Variants in ABLIM2 observed in about 807,000 individuals in gnomAD.
ABLIM2 encodes actin binding LIM protein family member 2, also known as actin-binding LIM protein 2.
Under a neutral mutation model 97.7 loss-of-function variants are expected in ABLIM2, and 53 were observed. The observed-to-expected ratio is 0.54, with a 90% confidence interval of 0.44 to 0.68. ABLIM2 has a LOEUF of 0.68. Among genes scored for constraint, ABLIM2 ranks in the 30% least tolerant of loss-of-function variants. ABLIM2 has a pLI of 0.00. For missense variants in ABLIM2, 835 were observed against 867.2 expected (o/e 0.96, Z 0.47); for synonymous variants, 361 against 345.8 (o/e 1.04, Z -0.49).
intron 8 of ABLIM2, among the ~76,000 whole-genome samples, chr4:8,051,320 G>A (rs1252688827): frequency 1.3e-5 from 2 of 152,118 alleles, no homozygotes; most frequent in African/African-American, 4.8e-5. Context: ...AGGCCGAGGC[G>A]GGCGGATCCC....
intron 8 of ABLIM2, 67 bp from the exon 9 acceptor site, chr4:8,045,308 C>T: frequency 7.1e-7 from 1 of 1,404,242 alleles, no homozygotes; most frequent in South Asian, 1.2e-5. Context: ...AGGCGACTGT[C>T]AGGAGTTCCA....
intron 4 of ABLIM2, among the ~76,000 whole-genome samples, chr4:8,081,561 G>C (rs967540905): frequency 1.3e-5 from 2 of 152,242 alleles, no homozygotes; most frequent in Admixed American, 6.5e-5. Flanking sequence ...GAGCTGGGGA[G>C]AGCCTGGTGC....
At chr4:8,156,150 C>T (rs1040581377) in intron 1 of ABLIM2, among the ~76,000 whole-genome samples, 4 of 152,144 alleles carry the variant, frequency 2.6e-5, no homozygotes, top group African/African-American at 7.2e-5. Context: ...GCTCAAGGAT[C>T]TGGTGCCCAC....
In ABLIM2 at chr4:8,150,097, T is replaced by C. The variant is rs1349755520; in HGVS notation, c.10+8583A>G. Among the ~76,000 whole-genome samples the C allele has an allele frequency of 6.6e-6, 1 of 152,108 alleles. No individual in the cohort carries two copies. The highest frequency in any genetic ancestry group is 1.5e-5 in the Non-Finnish European group (1 of 68,004). On this transcript the variant is annotated intron_variant, in intron 1 of 20. Coordinates refer to ENST00000447017, the MANE Select transcript of ABLIM2 (RefSeq NM_001130083.2). The surrounding 1 kb of genome is among the most constrained non-coding windows in gnomAD (Gnocchi z 6.3). ...TGGAGAGAGTTGTGGGGCAAAGGGGTTGGAACATCATGAGGGCATTTGAAA... is the reference window on the plus strand; with the variant it reads ...TGGAGAGAGTTGTGGGGCAAAGGGGCTGGAACATCATGAGGGCATTTGAAA...
intron 1 of ABLIM2, among the ~76,000 whole-genome samples, chr4:8,154,286 T>C (rs55662488): frequency 0.024 from 1,240 of 51,048 alleles, 24 homozygotes; most frequent in African/African-American, 0.043. Context: ...CTTTTCTTTT[T>C]TTTTTTTTTT....
intron 20 of ABLIM2, among the ~76,000 whole-genome samples, chr4:7,980,645 G>A (rs1737298859): frequency 6.6e-6 from 1 of 151,830 alleles, no homozygotes; most frequent in Admixed American, 6.6e-5. Context: ...AGTCTGGGAA[G>A]TGGGGGTTGC....
rs752555962 is a variant in ABLIM2, at chr4:8,009,043, G to C, written c.1476+7C>G. On this transcript the variant is annotated splice_region_variant and intron_variant, in intron 15 of 20. Coordinates refer to ENST00000447017, the MANE Select transcript of ABLIM2 (RefSeq NM_001130083.2). ...TGTTCTCAGCCAGATCTGCTCCCTG[G>C]CATTACCTTCCTGTTATCCTGGTCC... 1 of 1,613,806 alleles carries C rather than the reference G, an allele frequency of 6.2e-7. No homozygotes were observed. The highest frequency in any genetic ancestry group is 2.2e-5 in the East Asian group (1 of 44,898).
chr4:8,130,847 G>A lies in ABLIM2; in HGVS notation c.11-24210C>T, dbSNP rs1304196485. Among the ~76,000 whole-genome samples the A allele has an allele frequency of 2.0e-5, 3 of 152,198 alleles. No individual in the cohort carries two copies. Among genetic ancestry groups the A allele is most frequent in the Non-Finnish European group, 4.4e-5 (3 of 68,024 alleles). ...AGGCCGAGCTCCCCGAAGGCTCTAG[G>A]GCAGGCTGTCCTTGCCTTGCCTGGC... is the stretch of plus-strand genomic sequence containing the variant. On this transcript the variant is annotated intron_variant, in intron 1 of 20. Transcript: ENST00000447017. This position sits in a 1 kb window ranked among gnomAD's most constrained non-coding sequence, Gnocchi z 4.2.
intron 12 of ABLIM2, among the ~76,000 whole-genome samples, chr4:8,024,076 C>T (rs748226167): frequency 3.3e-5 from 5 of 152,232 alleles, no homozygotes; most frequent in Non-Finnish European, 7.3e-5. Context: ...GGAATGGCCG[C>T]TCAGCAAGAT....
Position 8,149,699 on chromosome 4 carries a change from G to A in ABLIM2, c.10+8981C>T, listed in dbSNP as rs193300803. 1.9e-3 allele frequency among the ~76,000 whole-genome samples: 289 copies of A among 152,048 alleles called. 2 individuals are homozygous for A. Among genetic ancestry groups the A allele is most frequent in the African/African-American group, 6.5e-3 (270 of 41,474 alleles). On this transcript the variant is annotated intron_variant, in intron 1 of 20. Coordinates refer to ENST00000447017, the MANE Select transcript of ABLIM2 (RefSeq NM_001130083.2). The surrounding 1 kb of genome is among the most constrained non-coding windows in gnomAD (Gnocchi z 6.4). ...AGTAGGTGCTTAATAAATAGTCGTG[G>A]AGGGACAGAAGGGACATTCTGGAAG...
intron 6 of ABLIM2, among the ~76,000 whole-genome samples, chr4:8,064,628 G>A (rs915363986): frequency 7.2e-5 from 11 of 152,172 alleles, no homozygotes; most frequent in African/African-American, 2.4e-4. Flanking sequence ...CCGCACCCTC[G>A]TGTCCTGAAC....
intron 16 of ABLIM2, among the ~76,000 whole-genome samples, chr4:8,000,919 C>T (rs149007550): frequency 0.025 from 3,757 of 152,280 alleles, 76 homozygotes; most frequent in East Asian, 0.064. Flanking sequence ...TCAAAGTCAC[C>T]GCTGGACATT....
At chr4:8,097,044 G>A in intron 3 of ABLIM2, 55 bp downstream of exon 3, 1 of 1,535,114 alleles carries the variant, frequency 6.5e-7, no homozygotes, top group Non-Finnish European at 8.8e-7. Context: ...AGGGAGGGAA[G>A]GAGAAAAGGC....
chr4:7,976,323 CACAA>C (rs756796034), intron 20 of ABLIM2, among the ~76,000 whole-genome samples: 4 of 152,298 alleles, frequency 2.6e-5, no homozygotes, highest in Non-Finnish European at 4.4e-5. Context: ...CTCACCAGTC[CACAA>C]ACAGTGTCCA....
rs534244270 is a variant in ABLIM2 at position 8,127,068 on chromosome 4, G to GAA, written c.11-20433_11-20432dup. On this transcript the variant is annotated intron_variant, in intron 1 of 20. Coordinates refer to ENST00000447017, the MANE Select transcript of ABLIM2 (RefSeq NM_001130083.2). The surrounding 1 kb of genome is among the most constrained non-coding windows in gnomAD (Gnocchi z 7.3). ...GTGACAGAGTGAGTCCCTGCCTCCA[G>GAA]AAAAAAAAAAAAAAAATGCCTGCAG... 7.8e-5 allele frequency among the ~76,000 whole-genome samples: 9 copies of GAA among 116,078 alleles called. No individual in the cohort carries two copies. The highest frequency in any genetic ancestry group is 2.5e-4 in the East Asian group (1 of 4,010). The allele number at this position is 116,078 out of a possible 152,430, so 76.2% of individuals were successfully genotyped here. A position where few individuals can be genotyped will look rare whatever the true frequency, so the allele number is the denominator to read the frequency against.
In ABLIM2 at chr4:7,986,597, C is replaced by T. The variant is rs1744352403; in HGVS notation, c.1681-1704G>A. On this transcript the variant is annotated intron_variant, in intron 17 of 20. Coordinates refer to ENST00000447017, the MANE Select transcript of ABLIM2 (RefSeq NM_001130083.2). This position sits in a 1 kb window ranked among gnomAD's most constrained non-coding sequence, Gnocchi z 4.3. Reference sequence around the variant, plus strand: ...CTTGCTCCCTCACTCTAGTTCTGGGCCTGGACCCTGAGCCAGGGTCCTCTT... The same window carrying T: ...CTTGCTCCCTCACTCTAGTTCTGGGTCTGGACCCTGAGCCAGGGTCCTCTT... Among the ~76,000 whole-genome samples, 1 of 152,170 alleles carries T rather than the reference C, an allele frequency of 6.6e-6. No individual in the cohort carries two copies. The highest frequency in any genetic ancestry group is 2.4e-5 in the African/African-American group (1 of 41,436).
chr4:8,068,190 C>T lies in ABLIM2; in HGVS notation c.676-7136G>A, dbSNP rs1451519902. 2.0e-5 allele frequency among the ~76,000 whole-genome samples: 3 copies of T among 152,170 alleles called. No individual in the cohort carries two copies. The highest frequency in any genetic ancestry group is 1.9e-4 in the East Asian group (1 of 5,178). On this transcript the variant is annotated intron_variant, in intron 6 of 20. Coordinates refer to ENST00000447017, the MANE Select transcript of ABLIM2 (RefSeq NM_001130083.2). This position sits in a 1 kb window ranked among gnomAD's most constrained non-coding sequence, Gnocchi z 4.5. ...GTGGGCGCACGGCTCCCCAGGCAGG[C>T]GGAAGTCCCACCCTCGCCCGCGTGG...
intron 3 of ABLIM2, among the ~76,000 whole-genome samples, chr4:8,090,124 C>T (rs529710545): frequency 1.6e-3 from 240 of 152,262 alleles, no homozygotes; most frequent in Non-Finnish European, 2.6e-3. Context: ...GCCCTCCCCT[C>T]CCATCCACTG....
intron 14 of ABLIM2, among the ~76,000 whole-genome samples, chr4:8,017,162 C>T (rs550107407): frequency 2.0e-5 from 3 of 152,242 alleles, no homozygotes; most frequent in East Asian, 3.9e-4. Flanking sequence ...CTGGTGGGTG[C>T]GAGGCCTCCT....
Sources: allele counts gnomAD v4.1 joint callset (sites outside exome capture counted in the v4.1 genomes callset), GRCh38; gene constraint gnomAD v4.1.1; non-coding constraint Gnocchi (gnomAD v3.1); transcripts MANE v1.5; gene names NCBI Gene and HGNC (gene_info 2026-07-23, HGNC 2026-07-21).